Variants in CFAP54 observed in about 807,000 individuals in gnomAD.
The protein encoded by CFAP54 is cilia- and flagella-associated protein 54.
Under a neutral mutation model 370.4 loss-of-function variants are expected in CFAP54, and 290 were observed. That is an observed-to-expected ratio of 0.78 (90% CI 0.71 to 0.86). CFAP54 has a LOEUF of 0.86. CFAP54 is among the 40% of genes least tolerant of loss of function. The pLI is 0.00. For missense variants in CFAP54, 3,399 were observed against 3,528.7 expected (o/e 0.96, Z 0.93); for synonymous variants, 1,206 against 1,236.5 (o/e 0.98, Z 0.52).
At chr12:96,491,007 C>G (rs1439363759) in intron 1 of CFAP54, among the ~76,000 whole-genome samples, 3 of 151,736 alleles carry the variant, frequency 2.0e-5, no homozygotes, top group Non-Finnish European at 4.4e-5. Context: ...GGGTCTCACT[C>G]TTGCACAGGC....
chr12:96,540,640 A>ATATAAATATAATCATT (rs1302129178), intron 13 of CFAP54, among the ~76,000 whole-genome samples, 197 bp from the exon 14 acceptor site: 2 of 152,266 alleles, frequency 1.3e-5, no homozygotes, highest in Admixed American at 1.3e-4. Flanking sequence ...CAGATTGATT[A>ATATAAATATAATCATT]CTAAATATCA....
Position 96,744,162 on chromosome 12 carries a change from C to T in CFAP54, c.7684+16C>T, listed in dbSNP as rs1958085250. 1.3e-6 allele frequency: 2 copies of T among 1,589,508 alleles called. No homozygotes were observed. Among genetic ancestry groups the T allele is most frequent in the Non-Finnish European group, 1.7e-6 (2 of 1,164,464 alleles). ...ATGAGAATTGGTAAGAACATTTAAA[C>T]TTATATTGCCCTAGAATAACTGATA... On this transcript the variant is annotated intron_variant, in intron 55 of 67. Transcript: ENST00000524981.
At position 96,538,465 on chromosome 12, in the gene CFAP54, A is replaced by C; in HGVS notation, c.1873A>C (p.Asn625His). ...ATGCAAATTAGGAATTCAGCGGCTC[A>C]ATATATCCAGAAATGACTATGCAAA... ...QKCKLGIQRLNISRNDYAKFT... is the reference protein window; with the variant it reads ...QKCKLGIQRLHISRNDYAKFT... The change falls in exon 13 of 68, where the codon AAT becomes CAT. Residue 625 changes from asparagine (N) to histidine (H), a missense_variant. By Grantham distance (68) the Asn-to-His change is moderately conservative. This residue lies in a region of CFAP54 where 2,796 missense variants were observed against 2,869.7 expected (regional missense o/e 0.97). Transcript: ENST00000524981. 1 of 1,536,162 alleles carries C rather than the reference A, an allele frequency of 6.5e-7. No homozygotes were observed. The highest frequency in any genetic ancestry group is 1.4e-5 in the African/African-American group (1 of 73,164).
intron 30 of CFAP54, among the ~76,000 whole-genome samples, chr12:96,629,667 C>T (rs1319426432): frequency 1.3e-5 from 1 of 76,486 alleles, no homozygotes; most frequent in Non-Finnish European, 3.2e-5. Flanking sequence ...TGTAAATAGG[C>T]ATTTAAATCT....
chr12:96,778,585 T>C (rs1431297954), intron 60 of CFAP54, among the ~76,000 whole-genome samples: 2 of 152,208 alleles, frequency 1.3e-5, no homozygotes, highest in Non-Finnish European at 2.9e-5. Context: ...ACAATTGCTT[T>C]GGGCATTATT....
chr12:96,494,349 G>A (rs1239103358), intron 1 of CFAP54, among the ~76,000 whole-genome samples: 1 of 151,872 alleles, frequency 6.6e-6, no homozygotes, highest in Non-Finnish European at 1.5e-5. Flanking sequence ...CAACAAGGCT[G>A]GAATGCAGTG....
chr12:96,534,286 A>G (rs1018865684), intron 11 of CFAP54, 59 bp downstream of exon 11: 2 of 959,516 alleles, frequency 2.1e-6, no homozygotes, highest in Non-Finnish European at 3.0e-6. Flanking sequence ...TCTTTTATAG[A>G]TATGGTGAGA....
At chr12:96,752,133 A>AGAGAGAGAGAGAG (rs1671757016) in intron 55 of CFAP54, among the ~76,000 whole-genome samples, 1 of 129,410 alleles carries the variant, frequency 7.7e-6, no homozygotes, top group Non-Finnish European at 1.7e-5. Context: ...AGAGAGAGAG[A>AGAGAGAGAGAGAG]TTGAGGCTGT....
At chr12:96,492,533 T>C (rs1954895800) in intron 1 of CFAP54, among the ~76,000 whole-genome samples, 1 of 152,240 alleles carries the variant, frequency 6.6e-6, no homozygotes, top group South Asian at 2.1e-4. Context: ...TAGGTTTATA[T>C]TTTTTAATCG....
chr12:96,853,371 G>C, intron 66 of CFAP54, among the ~76,000 whole-genome samples: 1 of 151,922 alleles, frequency 6.6e-6, no homozygotes, highest in East Asian at 1.9e-4. Context: ...ATACACACCT[G>C]GTCAGTGACT....
At chr12:96,752,785 C>T (rs1334355038) in intron 55 of CFAP54, among the ~76,000 whole-genome samples, 2 of 152,164 alleles carry the variant, frequency 1.3e-5, no homozygotes, top group Non-Finnish European at 2.9e-5. Context: ...AAACAAAACA[C>T]TAGGCTTCAT....
intron 1 of CFAP54, among the ~76,000 whole-genome samples, chr12:96,496,877 G>A (rs1451832144): frequency 6.6e-6 from 1 of 152,192 alleles, no homozygotes; most frequent in Admixed American, 6.5e-5. Flanking sequence ...GCTACTGTTT[G>A]AAACTCTGGT....
At chr12:96,651,541 G>A in intron 35 of CFAP54, 47 bp from the exon 36 acceptor site, 1 of 1,479,616 alleles carries the variant, frequency 6.8e-7, no homozygotes, top group South Asian at 1.2e-5. Flanking sequence ...TCAGAGATCT[G>A]TAACTTTTGG....
chr12:96,639,458 G>T (rs925227967), intron 32 of CFAP54, among the ~76,000 whole-genome samples: 1 of 152,160 alleles, frequency 6.6e-6, no homozygotes, highest in African/African-American at 2.4e-5. Flanking sequence ...ACCAAAAAAA[G>T]TCCAGGACCA....
intron 39 of CFAP54, among the ~76,000 whole-genome samples, chr12:96,670,189 G>A (rs1957128673): frequency 6.6e-6 from 1 of 152,152 alleles, no homozygotes; most frequent in Non-Finnish European, 1.5e-5. Flanking sequence ...CCCCTGTAGA[G>A]TCATGGGCTA....
Position 96,521,984 on chromosome 12 carries a change from A to C in CFAP54, c.1056+14A>C. 6.5e-7 allele frequency: 1 copy of C among 1,527,526 alleles called. No individual in the cohort carries two copies. Among genetic ancestry groups the C allele is most frequent in the Non-Finnish European group, 8.8e-7 (1 of 1,139,976 alleles). The allele number at this position is 1,527,526 out of a possible 1,614,324, so 94.6% of individuals were successfully genotyped here. On this transcript the variant is annotated intron_variant, in intron 7 of 67. Coordinates refer to ENST00000524981, the MANE Select transcript of CFAP54 (RefSeq NM_001306084.2). ...GCCACAATGAAGGTATAAAAATTTC[A>C]TGAAATAAAAGAAATTTACCACACT...
At chr12:96,821,459 T>G (rs948037327) in intron 65 of CFAP54, among the ~76,000 whole-genome samples, 1 of 152,140 alleles carries the variant, frequency 6.6e-6, no homozygotes, top group Non-Finnish European at 1.5e-5. Context: ...AATGTTCTTC[T>G]TTGTGTTTTT....
chr12:96,613,142 G>T (rs908914967), intron 26 of CFAP54, among the ~76,000 whole-genome samples: 1 of 152,160 alleles, frequency 6.6e-6, no homozygotes, highest in Non-Finnish European at 1.5e-5. Flanking sequence ...CTTAGCAAAT[G>T]TAAAAGAATA....
chr12:96,715,441 A>T (rs1374846904), intron 48 of CFAP54, among the ~76,000 whole-genome samples: 1 of 152,148 alleles, frequency 6.6e-6, no homozygotes, highest in Non-Finnish European at 1.5e-5. Context: ...GGACTAAGGA[A>T]CTAAAACTGG....
Sources: allele counts gnomAD v4.1 joint callset (sites outside exome capture counted in the v4.1 genomes callset), GRCh38; gene constraint gnomAD v4.1.1; regional missense constraint gnomAD v4.1.1; transcripts MANE v1.5; gene names NCBI Gene and HGNC (gene_info 2026-07-23, HGNC 2026-07-21).